CDK15: variants seen among roughly 807,000 people sequenced by gnomAD.
CDK15 encodes the protein cyclin dependent kinase 15.
Under a neutral mutation model 60.3 loss-of-function variants are expected in CDK15, and 62 were observed. The observed-to-expected ratio is 1.03, with a 90% CI of 0.84 to 1.27. The LOEUF (loss-of-function observed/expected upper bound fraction) is 1.27. Ranked by LOEUF, CDK15 falls within the 50% of genes most tolerant of loss-of-function variation. The pLI is 0.00. For missense variants in CDK15, 541 were observed against 527.8 expected (o/e 1.03, Z -0.25); for synonymous variants, 194 against 195.7 (o/e 0.99, Z 0.07).
rs779220453 is a variant in CDK15, at chr2:201,860,776, A to G, written c.1009+5839A>G. 2.2e-6 allele frequency: 3 copies of G among 1,352,184 alleles called. No homozygotes were observed. The South Asian group carries it at 3.4e-5, about 15-fold the overall frequency. 83.8% of individuals were successfully genotyped at this position (1,352,184 alleles called of 1,614,324 possible). On this transcript the variant is annotated intron_variant, in intron 10 of 13. Transcript: ENST00000652192. ...GAAACAGCATGGATGGCATACTGAC[A>G]TCGGACAGCATCGTACTGCAGCAAT...
intron 3 of CDK15, among the ~76,000 whole-genome samples, chr2:201,812,173 C>CAAAAAAAAAAAAAAAAAAA (rs56808760): frequency 5.2e-5 from 5 of 96,798 alleles, no homozygotes; most frequent in Non-Finnish European, 6.5e-5. Flanking sequence ...GATTCTGTCT[C>CAAAAAAAAAAAAAAAAAAA]AAAAAAAAAA....
chr2:201,889,834 G>A (rs573960809), intron 12 of CDK15, among the ~76,000 whole-genome samples: 1 of 152,124 alleles, frequency 6.6e-6, no homozygotes, highest in Admixed American at 6.5e-5. Flanking sequence ...TGGATCACCT[G>A]AGGTCAGGAG....
In CDK15 at chr2:201,835,756, G is replaced by C; in HGVS notation, c.844G>C (p.Asp282His). ...LGATEYSSEL[D>H]IWGAGCIFIE... ...AGCCACTGAATATTCCTCTGAGCTGGACATATGGTAAGAGTGGTGCCGAGA... is the reference window on the plus strand; with the variant it reads ...AGCCACTGAATATTCCTCTGAGCTGCACATATGGTAAGAGTGGTGCCGAGA... Residue 282 changes from aspartate to histidine, a missense_variant, in exon 8 of 14, where the codon GAC (aspartate) becomes CAC (histidine). Transcript: ENST00000652192. 6.3e-7 allele frequency: 1 copy of C among 1,589,882 alleles called. No homozygotes were observed.
chr2:201,889,013 A>G (rs953596546), intron 12 of CDK15: 61 of 985,376 alleles, frequency 6.2e-5, no homozygotes, highest in Non-Finnish European at 6.7e-5. Flanking sequence ...ATATCAACAA[A>G]TGGTATGATG....
intron 4 of CDK15, among the ~76,000 whole-genome samples, chr2:201,816,462 T>TTG (rs958855232): frequency 1.4e-5 from 2 of 146,590 alleles, no homozygotes; most frequent in African/African-American, 5.1e-5. Context: ...ATGGTTTTTT[T>TTG]TTTTTTTTTT....
chr2:201,875,712 A>T (rs1316517655), intron 11 of CDK15, among the ~76,000 whole-genome samples: 2 of 152,256 alleles, frequency 1.3e-5, no homozygotes, highest in Non-Finnish European at 2.9e-5. Context: ...AAGAGCATGT[A>T]TAGTATGATC....
At chr2:201,807,731 C>G (rs896171307) in intron 2 of CDK15, 88 bp downstream of exon 2, 1 of 1,570,706 alleles carries the variant, frequency 6.4e-7, no homozygotes, top group Admixed American at 1.8e-5. Flanking sequence ...AATTACTGAG[C>G]GAGCCTTCCC....
intron 10 of CDK15, chr2:201,861,407 C>T (rs1698385674): frequency 1.0e-6 from 1 of 985,342 alleles, no homozygotes; most frequent in African/African-American, 1.7e-5. Context: ...ACCTTGTTCT[C>T]CTTTCATTAA....
chr2:201,874,896 G>A (rs879936440), intron 11 of CDK15, among the ~76,000 whole-genome samples: 1 of 152,148 alleles, frequency 6.6e-6, no homozygotes, highest in Non-Finnish European at 1.5e-5. Flanking sequence ...TCCTCTTCCT[G>A]TAGGTCTAGG....
chr2:201,891,005 A>C (rs889743832), intron 13 of CDK15, 78 bp downstream of exon 13: 16 of 713,994 alleles, frequency 2.2e-5, no homozygotes, highest in Non-Finnish European at 3.3e-5. Flanking sequence ...GACATTGCTC[A>C]GGGATTCAGA....
intron 10 of CDK15, chr2:201,861,568 T>G (rs1443087374): frequency 2.2e-6 from 2 of 900,472 alleles, no homozygotes; most frequent in East Asian, 1.2e-4. Flanking sequence ...TTTTTTTCTT[T>G]TTTTTTTTTT....
At chr2:201,876,352 C>T (rs1699078140) in intron 11 of CDK15, among the ~76,000 whole-genome samples, 1 of 152,226 alleles carries the variant, frequency 6.6e-6, no homozygotes, top group Non-Finnish European at 1.5e-5. Context: ...GGACTCTTTC[C>T]TCAGCCTTGC....
At chr2:201,878,664 C>A (rs1699167695) in intron 11 of CDK15, among the ~76,000 whole-genome samples, 1 of 152,116 alleles carries the variant, frequency 6.6e-6, no homozygotes, top group African/African-American at 2.4e-5. Flanking sequence ...TAACAAAATA[C>A]CTTAACTGAG....
intron 1 of CDK15, 102 bp from the exon 2 acceptor site, chr2:201,807,391 AT>A: frequency 8.0e-7 from 1 of 1,251,354 alleles, no homozygotes; most frequent in Non-Finnish European, 1.1e-6. Context: ...CTTAGAAAAC[AT>A]TTGAAGAGTG....
intron 3 of CDK15, among the ~76,000 whole-genome samples, chr2:201,812,075 G>A (rs1695793998): frequency 6.6e-6 from 1 of 151,406 alleles, no homozygotes; most frequent in South Asian, 2.1e-4. Flanking sequence ...TTGGGAGGCT[G>A]AGGCAGGAGA....
chr2:201,822,741 G>A (rs573753546), intron 4 of CDK15, 68 bp from the exon 5 acceptor site: 39 of 850,076 alleles, frequency 4.6e-5, no homozygotes, highest in Middle Eastern at 2.2e-4. Context: ...AATATATACC[G>A]TCTGATATCT....
chr2:201,853,920 G>C (rs994015273), intron 9 of CDK15, among the ~76,000 whole-genome samples: 1 of 152,108 alleles, frequency 6.6e-6, no homozygotes, highest in African/African-American at 2.4e-5. Flanking sequence ...CCAGCACTTT[G>C]GGAGGCCGAG....
intron 8 of CDK15, among the ~76,000 whole-genome samples, chr2:201,844,085 T>A (rs1697531319): frequency 6.6e-6 from 1 of 152,190 alleles, no homozygotes; most frequent in African/African-American, 2.4e-5. Context: ...ATATTTTCAA[T>A]CCTTCTAGTG....
At position 201,851,680 on chromosome 2, in the gene CDK15, G is replaced by A. The variant is rs182241827; in HGVS notation, c.946-3194G>A. Among the ~76,000 whole-genome samples the A allele has an allele frequency of 2.0e-5, 3 of 151,720 alleles. No individual in the cohort carries two copies. In the East Asian group the frequency reaches 5.8e-4, roughly 29 times the overall value. ...GTCCTTTGCCCACTTTTTTTTTGGAGACCGAGTCTCACTCTGTTGCCCAGG... is the reference window on the plus strand; with the variant it reads ...GTCCTTTGCCCACTTTTTTTTTGGAAACCGAGTCTCACTCTGTTGCCCAGG... On this transcript the variant is annotated intron_variant, in intron 9 of 13. Transcript: ENST00000652192.
Sources: gnomAD v4.1 joint callset for allele counts (sites outside exome capture counted in the v4.1 genomes callset) on GRCh38, gnomAD v4.1.1 for gene constraint, MANE v1.5 for transcripts, NCBI Gene and HGNC (gene_info 2026-07-23, HGNC 2026-07-21) for gene names.